Variants in BABAM2 observed in about 807,000 individuals in gnomAD.
The protein encoded by BABAM2 is BRISC and BRCA1 A complex member 2.
A neutral mutation model predicts 54.7 loss-of-function variants in BABAM2; 31 were observed. That is an observed-to-expected ratio of 0.57 (90% CI 0.43 to 0.77). BABAM2 has a LOEUF of 0.77. BABAM2 is among the 30% of genes least tolerant of loss of function. The pLI is 0.00. For missense variants in BABAM2, 364 were observed against 455.8 expected (o/e 0.80, Z 1.83); for synonymous variants, 167 against 162.9 (o/e 1.03, Z -0.19).
At chr2:27,896,976 T>C (rs1276529350) in intron 2 of BABAM2, 3 of 155,692 alleles carry the variant, frequency 1.9e-5, no homozygotes, top group Non-Finnish European at 1.4e-5. Context: ...TTCAAGGTCC[T>C]CGGTCTGCAC....
chr2:28,093,468 T>C (rs1666334019), intron 6 of BABAM2, among the ~76,000 whole-genome samples: 1 of 152,262 alleles, frequency 6.6e-6, no homozygotes, highest in South Asian at 2.1e-4. Context: ...TTGCCTTTTT[T>C]GGGTGAAGAC....
At chr2:28,224,970 A>G (rs1680752909) in intron 7 of BABAM2, among the ~76,000 whole-genome samples, 1 of 152,152 alleles carries the variant, frequency 6.6e-6, no homozygotes. Context: ...CAATGTGGAA[A>G]AATGATGAAG....
chr2:28,191,937 T>A (rs1676955697), intron 7 of BABAM2, among the ~76,000 whole-genome samples: 1 of 152,238 alleles, frequency 6.6e-6, no homozygotes, highest in South Asian at 2.1e-4. Flanking sequence ...ACTGATTGCC[T>A]ACATGGCCAT....
At chr2:28,083,396 G>T (rs190247951) in intron 6 of BABAM2, among the ~76,000 whole-genome samples, 1 of 152,278 alleles carries the variant, frequency 6.6e-6, no homozygotes, top group Non-Finnish European at 1.5e-5. Context: ...GCAATCTGCT[G>T]TTGGAACATT....
chr2:28,259,017 C>T (rs1038601493), intron 10 of BABAM2, among the ~76,000 whole-genome samples: 2 of 147,132 alleles, frequency 1.4e-5, no homozygotes, highest in Non-Finnish European at 3.0e-5. Flanking sequence ...CCTCATGATC[C>T]ACCCACCTTG....
chr2:28,270,307 G>A (rs531106935), intron 10 of BABAM2, among the ~76,000 whole-genome samples: 32 of 152,266 alleles, frequency 2.1e-4, no homozygotes, highest in African/African-American at 6.5e-4. Context: ...TTTTTGTAGA[G>A]ACAGGGTTTT....
rs567664165 is a variant in BABAM2, at chr2:27,988,102, C to T, written c.300+15C>T. ...CAGCTTTGCAGGTGAGTACTGCAGA[C>T]TTGCTTGAATGATCTTTCTTTGGTG... On this transcript the variant is annotated intron_variant, in intron 4 of 11. Coordinates refer to ENST00000379624, the MANE Select transcript of BABAM2 (RefSeq NM_199191.3). The T allele has an allele frequency of 6.2e-7, 1 of 1,602,130 alleles. No homozygotes were observed. Among genetic ancestry groups the T allele is most frequent in the Admixed American group, 1.7e-5 (1 of 59,746 alleles).
At chr2:27,950,700 C>G (rs957974401) in intron 3 of BABAM2, among the ~76,000 whole-genome samples, 2 of 151,570 alleles carry the variant, frequency 1.3e-5, no homozygotes, top group Non-Finnish European at 1.5e-5. Flanking sequence ...TCATTTTTTT[C>G]AAAGGTTTGT....
rs1212437366 is a variant in BABAM2, at chr2:28,000,096, A to G, written c.300+12009A>G. Among the ~76,000 whole-genome samples the G allele has an allele frequency of 3.9e-5, 6 of 152,294 alleles. 1 individual carries two copies. In the South Asian group the frequency reaches 6.2e-4, roughly 16 times the overall value. ...CCTATTGTTAATATCTTATATTACT[A>G]TGGTACATTTGTGACAATTTGTCCA... On this transcript the variant is annotated intron_variant, in intron 4 of 11. Coordinates refer to ENST00000379624, the MANE Select transcript of BABAM2 (RefSeq NM_199191.3).
chr2:27,968,990 A>T (rs1671021389), intron 3 of BABAM2, among the ~76,000 whole-genome samples: 1 of 152,138 alleles, frequency 6.6e-6, no homozygotes, highest in Non-Finnish European at 1.5e-5. Context: ...TTCCCACCCA[A>T]ATCTCATCTT....
intron 5 of BABAM2, among the ~76,000 whole-genome samples, chr2:28,042,924 T>C (rs1472152834): frequency 6.6e-6 from 1 of 151,606 alleles, no homozygotes; most frequent in Non-Finnish European, 1.5e-5. Context: ...CTCGGGAGGC[T>C]GAGGCAGGAG....
At chr2:28,076,891 G>A (rs961165525) in intron 6 of BABAM2, among the ~76,000 whole-genome samples, 2 of 152,108 alleles carry the variant, frequency 1.3e-5, no homozygotes, top group Non-Finnish European at 2.9e-5. Flanking sequence ...CACTCTTTAA[G>A]GACAGGCTCC....
chr2:27,990,154 C>T (rs1672676510), intron 4 of BABAM2, among the ~76,000 whole-genome samples: 2 of 152,144 alleles, frequency 1.3e-5, no homozygotes, highest in Admixed American at 6.6e-5. Context: ...GTAGACTACC[C>T]AGGGCTTCTT....
At chr2:28,299,921 G>A (rs1357994700) in intron 11 of BABAM2, among the ~76,000 whole-genome samples, 2 of 151,846 alleles carry the variant, frequency 1.3e-5, no homozygotes, top group Non-Finnish European at 2.9e-5. Context: ...TAGCAGGCTT[G>A]ATAACTTTTT....
intron 11 of BABAM2, among the ~76,000 whole-genome samples, chr2:28,316,774 C>T (rs567797569): frequency 2.6e-5 from 4 of 152,288 alleles, no homozygotes; most frequent in South Asian, 2.1e-4. Flanking sequence ...GCCACCCACA[C>T]GTGATGGGAA....
chr2:28,148,646 T>C (rs1430695872), intron 7 of BABAM2, among the ~76,000 whole-genome samples: 2 of 152,150 alleles, frequency 1.3e-5, no homozygotes, highest in Non-Finnish European at 2.9e-5. Context: ...CCTGCTCAGT[T>C]CACCCAGTAC....
chr2:28,081,344 A>G (rs763641815), intron 6 of BABAM2, among the ~76,000 whole-genome samples: 42 of 152,216 alleles, frequency 2.8e-4, no homozygotes, highest in Admixed American at 7.2e-4. Flanking sequence ...TGTGGTGCAG[A>G]CGATTGTTGT....
At chr2:28,331,282 C>T (rs563038167) in intron 11 of BABAM2, among the ~76,000 whole-genome samples, 5 of 152,212 alleles carry the variant, frequency 3.3e-5, no homozygotes, top group Admixed American at 6.5e-5. Flanking sequence ...ATGACAAAAA[C>T]GTCAAAAGAA....
chr2:27,893,414 A>AT (rs2148252727), intron 1 of BABAM2, among the ~76,000 whole-genome samples: 1 of 152,338 alleles, frequency 6.6e-6, no homozygotes, highest in Admixed American at 6.5e-5. Flanking sequence ...TGTTTTCATA[A>AT]TTTAATTGTC....
Sources: gnomAD v4.1 joint callset for allele counts (sites outside exome capture counted in the v4.1 genomes callset) on GRCh38, gnomAD v4.1.1 for gene constraint, MANE v1.5 for transcripts, NCBI Gene and HGNC (gene_info 2026-07-23, HGNC 2026-07-21) for gene names.